The following PAN3 variants were observed in gnomAD, a reference collection of about 807,000 sequenced individuals.
The protein encoded by PAN3 is PAN2-PAN3 deadenylation complex subunit PAN3.
In PAN3, 19 loss-of-function variants were observed where a neutral mutation model predicts 96.2. That is an observed-to-expected ratio of 0.20 (90% CI 0.14 to 0.29). PAN3 has a LOEUF of 0.29. Among genes scored for constraint, PAN3 ranks in the 10% least tolerant of loss-of-function variants. The pLI is 1.00. For missense variants in PAN3, 882 were observed against 1,108.1 expected, an observed-to-expected ratio of 0.80 and a Z score of 2.90; for synonymous variants, 433 against 406.6, an observed-to-expected ratio of 1.06 and a Z score of -0.78.
intron 14 of PAN3, among the ~76,000 whole-genome samples, chr13:28,274,702 C>CT (rs1295449231): frequency 6.6e-6 from 1 of 152,004 alleles, no homozygotes; most frequent in Non-Finnish European, 1.5e-5. Context: ...ATCAGGCAAC[C>CT]TTCAATTAAT....
intron 5 of PAN3, chr13:28,215,787 G>T: frequency 7.1e-7 from 1 of 1,410,328 alleles, no homozygotes. Context: ...TTTTGCTGTT[G>T]GTGATGTGAG....
chr13:28,152,053 ATTTTCT>A (rs1328041441), intron 1 of PAN3, among the ~76,000 whole-genome samples: 2 of 152,094 alleles, frequency 1.3e-5, no homozygotes, highest in Non-Finnish European at 2.9e-5. Flanking sequence ...TCAGTAGGCT[ATTTTCT>A]TTTTCTTAGG....
chr13:28,267,826 A>G (rs1038413445), intron 12 of PAN3, among the ~76,000 whole-genome samples: 1 of 152,162 alleles, frequency 6.6e-6, no homozygotes, highest in African/African-American at 2.4e-5. Context: ...CTCCCACAAC[A>G]CTGTGGGAAT....
At chr13:28,262,828 C>T (rs2138628223) in intron 9 of PAN3, among the ~76,000 whole-genome samples, 1 of 152,198 alleles carries the variant, frequency 6.6e-6, no homozygotes, top group African/African-American at 2.4e-5. Flanking sequence ...AATGGTTTTG[C>T]AATATCAGTA....
At chr13:28,146,586 T>C (rs992980771) in intron 1 of PAN3, among the ~76,000 whole-genome samples, 1 of 152,156 alleles carries the variant, frequency 6.6e-6, no homozygotes, top group Admixed American at 6.6e-5. Context: ...GGTGATATGG[T>C]CTATAACCTG....
At chr13:28,209,914 G>A (rs535271692) in intron 5 of PAN3, among the ~76,000 whole-genome samples, 4 of 151,862 alleles carry the variant, frequency 2.6e-5, no homozygotes, top group Admixed American at 2.6e-4. Context: ...CAGAGTAGCT[G>A]GGACTACAGG....
chr13:28,203,772 A>G (rs1027392040), intron 5 of PAN3, among the ~76,000 whole-genome samples: 3 of 151,272 alleles, frequency 2.0e-5, no homozygotes, highest in Admixed American at 6.6e-5. Flanking sequence ...AGTGTTGTTT[A>G]GTGAGAAAGC....
At chr13:28,146,138 A>T (rs1466938424) in intron 1 of PAN3, among the ~76,000 whole-genome samples, 3 of 151,968 alleles carry the variant, frequency 2.0e-5, no homozygotes, top group Admixed American at 6.6e-5. Context: ...AGTCAAAATA[A>T]ATCAGTCTCC....
intron 5 of PAN3, chr13:28,215,301 T>G: frequency 1.4e-6 from 1 of 724,234 alleles, no homozygotes. Flanking sequence ...TGGTACTGTG[T>G]CTGTGGACCG....
At chr13:28,227,430 T>C (rs908333225) in intron 6 of PAN3, among the ~76,000 whole-genome samples, 2 of 152,120 alleles carry the variant, frequency 1.3e-5, no homozygotes, top group African/African-American at 4.8e-5. Context: ...TTCCTTTAAC[T>C]ACGAGTTACC....
chr13:28,288,584 G>A (rs1478798187), intron 18 of PAN3, among the ~76,000 whole-genome samples: 1 of 151,986 alleles, frequency 6.6e-6, no homozygotes, highest in Non-Finnish European at 1.5e-5. Flanking sequence ...GAGCCACTGC[G>A]CCTGGCCTTC....
At chr13:28,198,984 G>T (rs1878392556) in intron 5 of PAN3, among the ~76,000 whole-genome samples, 1 of 152,156 alleles carries the variant, frequency 6.6e-6, no homozygotes, top group Non-Finnish European at 1.5e-5. Context: ...ATTTTCTAAA[G>T]ATAAGAAAAG....
intron 7 of PAN3, among the ~76,000 whole-genome samples, chr13:28,260,044 A>T (rs1484089859): frequency 2.0e-5 from 3 of 152,194 alleles, no homozygotes; most frequent in Admixed American, 2.0e-4. Flanking sequence ...ATTAAAATTT[A>T]TTGCTATCAT....
At position 28,176,549 on chromosome 13, in the gene PAN3, T is replaced by C. The variant is rs774430156; in HGVS notation, c.609T>C (p.Tyr203=). The C allele has an allele frequency of 2.5e-6, 4 of 1,613,944 alleles. No homozygotes were observed. In the Admixed American group the frequency reaches 6.7e-5, roughly 27 times the overall value. The part of the protein sequence containing the change: ...PSLLNDSAKP[Y]SAHDPLTSPA... ...TTCTAAATGACAGTGCCAAGCCATA[T>C]TCAGCCCATGGTAAGACCTGATCCC... Residue 203 remains tyrosine (Y), a synonymous_variant, in exon 3 of 19, where the codon TAT becomes TAC. Coordinates refer to ENST00000380958, the MANE Select transcript of PAN3 (RefSeq NM_175854.8).
At chr13:28,205,456 C>A (rs1001989607) in intron 5 of PAN3, among the ~76,000 whole-genome samples, 4 of 152,162 alleles carry the variant, frequency 2.6e-5, no homozygotes, top group South Asian at 4.2e-4. Context: ...GAGTAATGAC[C>A]TTGTGTTCTT....
At chr13:28,269,068 T>G (rs139005854) in intron 12 of PAN3, among the ~76,000 whole-genome samples, 2 of 152,314 alleles carry the variant, frequency 1.3e-5, no homozygotes, top group East Asian at 3.9e-4. Flanking sequence ...TCTCAACTGC[T>G]TAAGTTTTTG....
intron 18 of PAN3, among the ~76,000 whole-genome samples, chr13:28,289,755 A>G (rs1275572696): frequency 1.3e-5 from 2 of 152,146 alleles, no homozygotes; most frequent in Non-Finnish European, 2.9e-5. Context: ...GGTGACAGGC[A>G]CCAGTAGTCC....
At chr13:28,194,775 TA>T (rs968883568) in intron 4 of PAN3, among the ~76,000 whole-genome samples, 2 of 152,046 alleles carry the variant, frequency 1.3e-5, no homozygotes, top group Non-Finnish European at 2.9e-5. Flanking sequence ...CGGCCAAATA[TA>T]AATTTTAAAT....
Position 28,197,322 on chromosome 13 carries a change from C to G in PAN3, c.828C>G (p.Asn276Lys), listed in dbSNP as rs751535247. The G allele has an allele frequency of 7.5e-6, 12 of 1,605,332 alleles. No homozygotes were observed. The highest frequency in any genetic ancestry group is 1.0e-5 in the Non-Finnish European group (12 of 1,176,088). ...SGVPINMVWWNRVTENNLQTP... is the reference protein window; with the variant it reads ...SGVPINMVWWKRVTENNLQTP... Reference sequence around the variant, plus strand: ...TACCCATCAATATGGTTTGGTGGAACAGAGTCACAGAAAACAATTTACAGG... The same window carrying G: ...TACCCATCAATATGGTTTGGTGGAAGAGAGTCACAGAAAACAATTTACAGG... Residue 276 changes from asparagine (N) to lysine (K), a missense_variant, in exon 5 of 19, where the codon AAC (asparagine) becomes AAG (lysine). Physicochemically the swap from Asn to Lys is moderately conservative, Grantham distance 94. This residue lies in a region of PAN3 where 442 missense variants were observed against 422.8 expected (regional missense o/e 1.05). Transcript: ENST00000380958.
Sources: allele counts gnomAD v4.1 joint callset (sites outside exome capture counted in the v4.1 genomes callset), GRCh38; gene constraint gnomAD v4.1.1; regional missense constraint gnomAD v4.1.1; transcripts MANE v1.5; gene names NCBI Gene and HGNC (gene_info 2026-07-23, HGNC 2026-07-21).